GPATCH2: variants seen among roughly 807,000 people sequenced by gnomAD.
GPATCH2 encodes G patch domain-containing protein 2.
A neutral mutation model predicts 58.0 loss-of-function variants in GPATCH2; 51 were observed. The observed-to-expected ratio is 0.88, with a 90% CI of 0.70 to 1.11. The LOEUF is 1.11. Ranked by LOEUF, GPATCH2 falls within the 50% of genes most tolerant of loss-of-function variation. The pLI is 0.00. For synonymous variants in GPATCH2, 222 were observed against 218.5 expected (o/e 1.02, Z -0.14); for missense variants, 625 against 652.2 (o/e 0.96, Z 0.45).
chr1:217,441,198 G>T (rs1003894656), intron 9 of GPATCH2, among the ~76,000 whole-genome samples: 2 of 151,966 alleles, frequency 1.3e-5, no homozygotes, highest in Non-Finnish European at 2.9e-5. Context: ...CAGAAATAAC[G>T]CCACACATCT....
At chr1:217,482,205 A>G (rs918590289) in intron 8 of GPATCH2, among the ~76,000 whole-genome samples, 14 of 152,306 alleles carry the variant, frequency 9.2e-5, no homozygotes, top group African/African-American at 2.9e-4. Flanking sequence ...TATTCTACAA[A>G]TATTTTATGC....
chr1:217,565,190 T>G (rs1453428335), intron 5 of GPATCH2, among the ~76,000 whole-genome samples: 2 of 152,186 alleles, frequency 1.3e-5, no homozygotes, highest in African/African-American at 2.4e-5. Context: ...TCTAAGAACC[T>G]CAAGTCCCTG....
At chr1:217,621,837 C>T (rs1669205353) in intron 1 of GPATCH2, among the ~76,000 whole-genome samples, 1 of 152,196 alleles carries the variant, frequency 6.6e-6, no homozygotes, top group South Asian at 2.1e-4. Flanking sequence ...GTGATGCATA[C>T]AAACAGCTTC....
chr1:217,591,754 C>T (rs1383542240), intron 5 of GPATCH2, among the ~76,000 whole-genome samples: 1 of 151,830 alleles, frequency 6.6e-6, no homozygotes, highest in South Asian at 2.1e-4. Context: ...AAGAAATCAC[C>T]GAAATCTATT....
Position 217,630,921 on chromosome 1 carries a change from G to T in GPATCH2, c.51C>A (p.Asn17Lys). 1 of 1,589,128 alleles carries T rather than the reference G, an allele frequency of 6.3e-7. No homozygotes were observed. The highest frequency in any genetic ancestry group is 8.5e-7 in the Non-Finnish European group (1 of 1,172,796). ...CCCAGGGCCGCCAGCCTCACCAGCT[G>T]TTCCCGGCTGCTGGAGCTCCGATCG... ...RQPIGAPAAG[N>K]SWHFSRTMEE... Residue 17 changes from asparagine (N) to lysine (K), a missense_variant, in exon 1 of 10, where the codon AAC (asparagine) becomes AAA (lysine). By Grantham distance (94) the Asn-to-Lys change is moderately conservative (BLOSUM62 0). Transcript: ENST00000366935.
At chr1:217,621,087 G>A (rs1265123774) in intron 1 of GPATCH2, among the ~76,000 whole-genome samples, 4 of 152,098 alleles carry the variant, frequency 2.6e-5, no homozygotes, top group African/African-American at 4.8e-5. Context: ...AACTACATTC[G>A]CATTCAAATT....
At chr1:217,522,229 T>C (rs1016173364) in intron 5 of GPATCH2, among the ~76,000 whole-genome samples, 4 of 152,206 alleles carry the variant, frequency 2.6e-5, no homozygotes, top group Non-Finnish European at 5.9e-5. Flanking sequence ...ATACTTCTAA[T>C]TATTAAATAC....
intron 1 of GPATCH2, among the ~76,000 whole-genome samples, chr1:217,622,701 G>A (rs1669255038): frequency 6.6e-6 from 1 of 152,180 alleles, no homozygotes; most frequent in African/African-American, 2.4e-5. Context: ...ACGCCACCAT[G>A]CCCGGCTAAT....
rs1658497585 is a variant in GPATCH2 at position 217,430,809 on chromosome 1, C to T, written c.*336G>A. The T allele has an allele frequency of 3.7e-6, 1 of 266,982 alleles. No homozygotes were observed. The highest frequency in any genetic ancestry group is 5.0e-5 in the Admixed American group (1 of 20,040). The allele number at this position is 266,982 out of a possible 1,614,324, so 16.5% of individuals were successfully genotyped here. A position where few individuals can be genotyped will look rare whatever the true frequency, so the allele number is the denominator to read the frequency against. ...GTGGGTGTGCTCACGTTTGTCTGGGCATTGCAGCACTGCACACATACATGA... is the reference window on the plus strand; with the variant it reads ...GTGGGTGTGCTCACGTTTGTCTGGGTATTGCAGCACTGCACACATACATGA... On this transcript the variant is annotated 3_prime_UTR_variant, in exon 10 of 10. Coordinates refer to ENST00000366935, the MANE Select transcript of GPATCH2 (RefSeq NM_018040.5).
intron 2 of GPATCH2, among the ~76,000 whole-genome samples, chr1:217,618,856 C>G (rs868519919): frequency 2.0e-5 from 3 of 151,380 alleles, no homozygotes; most frequent in Non-Finnish European, 4.4e-5. Flanking sequence ...CCAGCTACTC[C>G]GGAGGCTGAG....
chr1:217,464,788 A>G lies in GPATCH2; in HGVS notation c.1278-15451T>C, dbSNP rs139746809. On this transcript the variant is annotated intron_variant, in intron 8 of 9. Coordinates refer to ENST00000366935, the MANE Select transcript of GPATCH2 (RefSeq NM_018040.5). ...GAGGTATAAAGCCATGAAATTAGAA[A>G]GCTATCCTGTCTCATGTCTCCTTCT... Among the ~76,000 whole-genome samples the G allele has an allele frequency of 3.9e-3, 597 of 152,334 alleles. 2 individuals carry two copies. The highest frequency in any genetic ancestry group is 0.014 in the Middle Eastern group (4 of 294).
chr1:217,620,048 C>T lies in GPATCH2; in HGVS notation c.508G>A (p.Asp170Asn). Reference protein sequence around the residue: ...RRRKVKRMAVDLPQDISNKRT... With the variant: ...RRRKVKRMAVNLPQDISNKRT... ...TTGTTAGAGATGTCCTGTGGGAGAT[C>T]TACTGCCATGCGTTTTACCTTTCTC... Residue 170 changes from aspartate (D) to asparagine (N), a missense_variant, in exon 2 of 10, where the codon GAT (aspartate) becomes AAT (asparagine). Asp to Asn is a conservative substitution (Grantham distance 23, BLOSUM62 1). Coordinates refer to ENST00000366935, the MANE Select transcript of GPATCH2 (RefSeq NM_018040.5). 1 of 1,614,018 alleles carries T rather than the reference C, an allele frequency of 6.2e-7. No homozygotes were observed. The highest frequency in any genetic ancestry group is 8.5e-7 in the Non-Finnish European group (1 of 1,180,012).
At chr1:217,567,092 G>C (rs1454517491) in intron 5 of GPATCH2, among the ~76,000 whole-genome samples, 2 of 145,882 alleles carry the variant, frequency 1.4e-5, no homozygotes, top group African/African-American at 5.0e-5. Context: ...TGTTGCCCAG[G>C]CTGGAGTGCA....
chr1:217,467,786 C>T (rs771097443), intron 8 of GPATCH2, among the ~76,000 whole-genome samples: 7 of 152,046 alleles, frequency 4.6e-5, no homozygotes, highest in Non-Finnish European at 1.0e-4. Flanking sequence ...AAACCTATTT[C>T]CTATTATAGT....
chr1:217,473,179 A>G (rs1262890565), intron 8 of GPATCH2, among the ~76,000 whole-genome samples: 1 of 152,130 alleles, frequency 6.6e-6, no homozygotes, highest in East Asian at 1.9e-4. Context: ...TTAGTGAGAT[A>G]AGTTGGTAAC....
chr1:217,520,673 TACA>T (rs1663407994), intron 5 of GPATCH2, among the ~76,000 whole-genome samples: 1 of 152,202 alleles, frequency 6.6e-6, no homozygotes, highest in African/African-American at 2.4e-5. Flanking sequence ...GTTATGCTTT[TACA>T]ATGCAATTTT....
intron 2 of GPATCH2, among the ~76,000 whole-genome samples, chr1:217,618,119 A>C (rs879287416): frequency 6.6e-6 from 1 of 152,154 alleles, no homozygotes; most frequent in African/African-American, 2.4e-5. Flanking sequence ...AATGGTCTTA[A>C]GTCACAATGG....
At chr1:217,491,841 A>C (rs915607152) in intron 7 of GPATCH2, 91 bp from the exon 8 acceptor site, 3 of 489,038 alleles carry the variant, frequency 6.1e-6, no homozygotes, top group Non-Finnish European at 1.1e-5. Context: ...TCAAAGGGAC[A>C]CTACTCATTT....
At chr1:217,570,640 A>C (rs1345555145) in intron 5 of GPATCH2, among the ~76,000 whole-genome samples, 2 of 152,180 alleles carry the variant, frequency 1.3e-5, no homozygotes, top group African/African-American at 4.8e-5. Context: ...GACACCAACA[A>C]ACTAATAACC....
Sources: allele counts gnomAD v4.1 joint callset (sites outside exome capture counted in the v4.1 genomes callset), GRCh38; gene constraint gnomAD v4.1.1; transcripts MANE v1.5; gene names NCBI Gene and HGNC (gene_info 2026-07-23, HGNC 2026-07-21).